The following WASL variants were observed in gnomAD, a reference collection of about 807,000 sequenced individuals.
WASL encodes WASP like actin nucleation promoting factor, also known as actin nucleation-promoting factor WASL.
In WASL, 20 loss-of-function variants were observed where a neutral mutation model predicts 55.5. The observed-to-expected ratio is 0.36, with a 90% confidence interval of 0.25 to 0.52. The LOEUF (loss-of-function observed/expected upper bound fraction) is 0.52, where lower values mean the gene tolerates loss of function less well. WASL is among the 20% of genes least tolerant of loss of function. The probability of loss-of-function intolerance (pLI) is 0.92; values close to 1 mark genes in which losing one functional copy is unlikely to be tolerated. For synonymous variants in WASL, 249 were observed against 217.6 expected (o/e 1.14, Z -1.27); for missense variants, 504 against 622.5 (o/e 0.81, Z 2.03).
intron 1 of WASL, among the ~76,000 whole-genome samples, chr7:123,748,142 G>C (rs1205822284): frequency 6.6e-6 from 1 of 151,990 alleles, no homozygotes; most frequent in East Asian, 1.9e-4. Flanking sequence ...TTCCCTCCTG[G>C]AATCCTAATG....
chr7:123,721,241 T>A (rs1803937949), intron 1 of WASL, among the ~76,000 whole-genome samples: 1 of 152,236 alleles, frequency 6.6e-6, no homozygotes, highest in Non-Finnish European at 1.5e-5. Flanking sequence ...AGCAATTCAA[T>A]GATCTAATAA....
chr7:123,702,274 T>G (rs1275715132), intron 5 of WASL, among the ~76,000 whole-genome samples: 1 of 152,138 alleles, frequency 6.6e-6, no homozygotes, highest in African/African-American at 2.4e-5. Flanking sequence ...CAGGCTGGTC[T>G]TGAACTCCTG....
chr7:123,687,632 T>C (rs1427715001), intron 10 of WASL, among the ~76,000 whole-genome samples: 2 of 152,186 alleles, frequency 1.3e-5, no homozygotes, highest in Non-Finnish European at 2.9e-5. Context: ...ATTTCCCTTT[T>C]CTGTTAGACT....
intron 5 of WASL, among the ~76,000 whole-genome samples, chr7:123,703,228 G>A (rs1453147777): frequency 6.6e-6 from 1 of 151,966 alleles, no homozygotes; most frequent in Non-Finnish European, 1.5e-5. Flanking sequence ...GTGGTTAAAG[G>A]GCCAGTCTCT....
chr7:123,684,835 T>C (rs1316411964), intron 10 of WASL, among the ~76,000 whole-genome samples: 1 of 152,026 alleles, frequency 6.6e-6, no homozygotes, highest in Non-Finnish European at 1.5e-5. Flanking sequence ...TTTCAACCTG[T>C]TAATGTATAA....
At chr7:123,730,145 A>G (rs961408864) in intron 1 of WASL, among the ~76,000 whole-genome samples, 3 of 152,208 alleles carry the variant, frequency 2.0e-5, no homozygotes, top group African/African-American at 7.2e-5. Flanking sequence ...TTTTCGAAAG[A>G]GAAATAATTT....
rs116597426 is a variant in WASL, at chr7:123,716,673, G to A, written c.118-7450C>T. Among the ~76,000 whole-genome samples the A allele has an allele frequency of 8.3e-3, 1,264 of 152,084 alleles. 19 individuals are homozygous for A. The highest frequency in any genetic ancestry group is 0.029 in the African/African-American group (1,198 of 41,494). On this transcript the variant is annotated intron_variant, in intron 1 of 10. Coordinates refer to ENST00000223023, the MANE Select transcript of WASL (RefSeq NM_003941.4). Reference sequence around the variant, plus strand: ...AAAGAGAGAGGGAGAGAGAAAGAGGGAGGCAGGAAGGAAGGGGGAGAGAAA... The same window carrying A: ...AAAGAGAGAGGGAGAGAGAAAGAGGAAGGCAGGAAGGAAGGGGGAGAGAAA...
At chr7:123,689,456 G>GCACACA in intron 9 of WASL, among the ~76,000 whole-genome samples, 1 of 152,174 alleles carries the variant, frequency 6.6e-6, no homozygotes, top group Non-Finnish European at 1.5e-5. Flanking sequence ...GTTTATTCCA[G>GCACACA]CACACACAGA....
At chr7:123,714,558 A>C (rs1460741688) in intron 1 of WASL, among the ~76,000 whole-genome samples, 1 of 152,164 alleles carries the variant, frequency 6.6e-6, no homozygotes, top group Admixed American at 6.6e-5. Flanking sequence ...CCAAACACAG[A>C]GAGTCTTTTA....
intron 1 of WASL, among the ~76,000 whole-genome samples, chr7:123,723,103 C>T (rs1584868672): frequency 6.6e-6 from 1 of 152,080 alleles, no homozygotes; most frequent in Admixed American, 6.5e-5. Flanking sequence ...ATGTAAAGTT[C>T]CTTATTATAG....
At chr7:123,737,371 G>C (rs1427723060) in intron 1 of WASL, among the ~76,000 whole-genome samples, 6 of 152,072 alleles carry the variant, frequency 3.9e-5, no homozygotes, top group Non-Finnish European at 8.8e-5. Flanking sequence ...GCTAAGGTGG[G>C]CAGATAACGA....
At position 123,724,742 on chromosome 7, in the gene WASL, A is replaced by G. The variant is rs559322435; in HGVS notation, c.118-15519T>C. On this transcript the variant is annotated intron_variant, in intron 1 of 10. Coordinates refer to ENST00000223023, the MANE Select transcript of WASL (RefSeq NM_003941.4). ...ATTTTTCAGAACATTACAAACTGCT[A>G]ATCTGTGGTATTGAAATTATTTTTA... 2.6e-5 allele frequency among the ~76,000 whole-genome samples: 4 copies of G among 152,332 alleles called. No homozygotes were observed. The South Asian group carries it at 8.3e-4, about 32-fold the overall frequency.
chr7:123,697,354 T>C (rs1803510533), intron 5 of WASL, among the ~76,000 whole-genome samples: 1 of 152,182 alleles, frequency 6.6e-6, no homozygotes, highest in African/African-American at 2.4e-5. Flanking sequence ...GCACTCATCT[T>C]GTGCAAGAAT....
At chr7:123,706,490 C>A (rs903720448) in intron 3 of WASL, 117 bp from the exon 4 acceptor site, 2 of 941,144 alleles carry the variant, frequency 2.1e-6, no homozygotes, top group Non-Finnish European at 3.2e-6. Flanking sequence ...ATTTTACTAG[C>A]AGATAAGACA....
intron 1 of WASL, among the ~76,000 whole-genome samples, chr7:123,731,258 G>C (rs1804131814): frequency 6.6e-6 from 1 of 152,014 alleles, no homozygotes; most frequent in African/African-American, 2.4e-5. Flanking sequence ...TATACAAAAA[G>C]ACATAACAAT....
intron 1 of WASL, among the ~76,000 whole-genome samples, chr7:123,725,051 A>C (rs1804018165): frequency 6.6e-6 from 1 of 152,232 alleles, no homozygotes; most frequent in African/African-American, 2.4e-5. Flanking sequence ...GGCAAAAAAC[A>C]GCATACTAAA....
At chr7:123,737,504 G>C (rs1329110681) in intron 1 of WASL, among the ~76,000 whole-genome samples, 2 of 147,870 alleles carry the variant, frequency 1.4e-5, no homozygotes, top group African/African-American at 2.5e-5. Context: ...GCTGAGGCAG[G>C]AGAATCTCTT....
chr7:123,727,353 TCACACA>T (rs150375537), intron 1 of WASL, among the ~76,000 whole-genome samples: 26 of 147,814 alleles, frequency 1.8e-4, no homozygotes, highest in Admixed American at 3.4e-4. Context: ...AAAATATGTG[TCACACA>T]CACACACACA....
intron 10 of WASL, among the ~76,000 whole-genome samples, chr7:123,685,160 T>C (rs763272511): frequency 2.0e-5 from 3 of 151,962 alleles, no homozygotes; most frequent in Non-Finnish European, 2.9e-5. Context: ...TAGAGTCTAT[T>C]TGACTCAGAG....
Sources: allele counts gnomAD v4.1 joint callset (sites outside exome capture counted in the v4.1 genomes callset), GRCh38; gene constraint gnomAD v4.1.1; transcripts MANE v1.5; gene names NCBI Gene and HGNC (gene_info 2026-07-23, HGNC 2026-07-21).